Variants in MNAT1 observed in about 807,000 individuals in gnomAD.
MNAT1 encodes MNAT1 component of CDK activating kinase.
Under a neutral mutation model 42.0 loss-of-function variants are expected in MNAT1, and 43 were observed. The observed-to-expected ratio is 1.02, with a 90% CI of 0.80 to 1.32. The LOEUF (loss-of-function observed/expected upper bound fraction) is 1.32. MNAT1 is among the 40% of genes most tolerant of loss of function. The pLI, the probability that MNAT1 is intolerant of heterozygous loss-of-function variation, is 0.00. For synonymous variants in MNAT1, 118 were observed against 120.0 expected, an observed-to-expected ratio of 0.98 and a Z score of 0.11; for missense variants, 306 against 350.4, an observed-to-expected ratio of 0.87 and a Z score of 1.01.
chr14:60,899,039 G>T (rs987578573), intron 7 of MNAT1, among the ~76,000 whole-genome samples: 1 of 151,982 alleles, frequency 6.6e-6, no homozygotes, highest in Admixed American at 6.6e-5. Flanking sequence ...TACGTACTTG[G>T]TATCATTGTT....
intron 1 of MNAT1, among the ~76,000 whole-genome samples, chr14:60,772,945 A>ATTTT: frequency 6.9e-6 from 1 of 144,048 alleles, no homozygotes. Flanking sequence ...TTATTTATTT[A>ATTTT]TTTATTTGAG....
intron 7 of MNAT1, among the ~76,000 whole-genome samples, chr14:60,917,340 A>G (rs1009858298): frequency 2.6e-5 from 4 of 152,184 alleles, no homozygotes; most frequent in South Asian, 4.1e-4. Flanking sequence ...TCTAGGTCCA[A>G]TGAACCCCTT....
chr14:60,947,954 G>A (rs1175988200), intron 7 of MNAT1, among the ~76,000 whole-genome samples: 1 of 152,140 alleles, frequency 6.6e-6, no homozygotes, highest in Non-Finnish European at 1.5e-5. Flanking sequence ...CATGTAATTG[G>A]ACAGTTAAGG....
chr14:60,782,846 A>G (rs2031511279), intron 1 of MNAT1, among the ~76,000 whole-genome samples: 3 of 152,200 alleles, frequency 2.0e-5, no homozygotes, highest in African/African-American at 7.2e-5. Context: ...CAGTTGCTCA[A>G]TAAATAATTG....
At chr14:60,778,792 A>G (rs140294417) in intron 1 of MNAT1, among the ~76,000 whole-genome samples, 4 of 152,166 alleles carry the variant, frequency 2.6e-5, no homozygotes, top group Non-Finnish European at 4.4e-5. Flanking sequence ...CTCTACAAGG[A>G]TGGGTTTCAT....
At chr14:60,855,529 C>G (rs1360843679) in intron 6 of MNAT1, among the ~76,000 whole-genome samples, 1 of 152,120 alleles carries the variant, frequency 6.6e-6, no homozygotes, top group Non-Finnish European at 1.5e-5. Context: ...AGCACAGTCT[C>G]TCACAGCTTC....
At chr14:60,927,689 AT>A (rs1229726425) in intron 7 of MNAT1, among the ~76,000 whole-genome samples, 2 of 152,136 alleles carry the variant, frequency 1.3e-5, no homozygotes, top group Non-Finnish European at 2.9e-5. Context: ...ACCTTGAGAC[AT>A]GTTTTCGACC....
intron 6 of MNAT1, among the ~76,000 whole-genome samples, chr14:60,867,218 A>G (rs1594815565): frequency 6.6e-6 from 1 of 152,118 alleles, no homozygotes; most frequent in African/African-American, 2.4e-5. Flanking sequence ...TATCATGTGT[A>G]TTTGAGTAGA....
chr14:60,872,835 T>TAAACAC (rs370441850), intron 6 of MNAT1, among the ~76,000 whole-genome samples: 1 of 146,848 alleles, frequency 6.8e-6, no homozygotes, highest in Admixed American at 6.8e-5. Context: ...CACACACACA[T>TAAACAC]ACACACACAC....
At chr14:60,834,323 G>A (rs901969922) in intron 6 of MNAT1, among the ~76,000 whole-genome samples, 2 of 152,038 alleles carry the variant, frequency 1.3e-5, no homozygotes, top group Non-Finnish European at 2.9e-5. Flanking sequence ...TTTTAACATT[G>A]CTTTAGCTGT....
At chr14:60,854,431 C>T (rs559889335) in intron 6 of MNAT1, among the ~76,000 whole-genome samples, 2 of 152,290 alleles carry the variant, frequency 1.3e-5, no homozygotes, top group South Asian at 4.1e-4. Context: ...TCCTCATCGT[C>T]GTGGATTTAT....
At chr14:60,783,734 G>A (rs2140316235) in intron 1 of MNAT1, among the ~76,000 whole-genome samples, 1 of 152,308 alleles carries the variant, frequency 6.6e-6, no homozygotes, top group African/African-American at 2.4e-5. Context: ...CTGACCTCGT[G>A]ATCTGCCTTC....
intron 1 of MNAT1, chr14:60,753,754 T>G (rs988329764): frequency 6.6e-6 from 1 of 152,160 alleles, no homozygotes; most frequent in African/African-American, 2.4e-5. Flanking sequence ...CAACCACATA[T>G]GTATATTTAT....
chr14:60,948,321 C>T (rs2036320549), intron 7 of MNAT1, among the ~76,000 whole-genome samples: 1 of 152,060 alleles, frequency 6.6e-6, no homozygotes, highest in African/African-American at 2.4e-5. Context: ...GTCCCAGCTC[C>T]TCAGGAGACT....
At chr14:60,767,264 T>C (rs2030865840) in intron 1 of MNAT1, among the ~76,000 whole-genome samples, 1 of 152,212 alleles carries the variant, frequency 6.6e-6, no homozygotes, top group Non-Finnish European at 1.5e-5. Context: ...ATTTGTGACT[T>C]ATGGTTTTGT....
At chr14:60,939,687 G>A (rs915374414) in intron 7 of MNAT1, among the ~76,000 whole-genome samples, 1 of 152,190 alleles carries the variant, frequency 6.6e-6, no homozygotes, top group Non-Finnish European at 1.5e-5. Context: ...GTGGTGTGGT[G>A]CTGAAAAGAA....
chr14:60,750,856 GTTT>G (rs1233459767), intron 1 of MNAT1, among the ~76,000 whole-genome samples: 2 of 152,204 alleles, frequency 1.3e-5, no homozygotes, highest in South Asian at 4.1e-4. Context: ...TATGGAAATG[GTTT>G]TGTCTAAAGC....
intron 1 of MNAT1, among the ~76,000 whole-genome samples, chr14:60,777,737 C>A (rs961707041): frequency 1.3e-5 from 2 of 151,902 alleles, no homozygotes; most frequent in African/African-American, 4.8e-5. Context: ...CTTTGTTTAC[C>A]ATAGAGTCTG....
intron 1 of MNAT1, among the ~76,000 whole-genome samples, chr14:60,791,589 G>A (rs2031819683): frequency 6.6e-6 from 1 of 152,140 alleles, no homozygotes; most frequent in Non-Finnish European, 1.5e-5. Flanking sequence ...TGCCACATAA[G>A]TAAATGTAAC....
Sources: allele counts gnomAD v4.1 joint callset (sites outside exome capture counted in the v4.1 genomes callset), GRCh38; gene constraint gnomAD v4.1.1; transcripts MANE v1.5; gene names NCBI Gene and HGNC (gene_info 2026-07-23, HGNC 2026-07-21).